The following ZBTB8A variants were observed in gnomAD, a reference collection of about 807,000 sequenced individuals.
ZBTB8A encodes zinc finger and BTB domain containing 8A.
In ZBTB8A, 19 loss-of-function variants were observed where a neutral mutation model predicts 37.8. The ratio of observed to expected loss-of-function variants is 0.50; its 90% confidence interval spans 0.35 to 0.74. ZBTB8A has a LOEUF of 0.74. ZBTB8A is among the 30% of genes least tolerant of loss of function. ZBTB8A has a pLI of 0.01. For synonymous variants in ZBTB8A, 181 were observed against 185.2 expected (o/e 0.98, Z 0.19); for missense variants, 394 against 537.8 (o/e 0.73, Z 2.65).
chr1:32,547,626 CAAA>C (rs745418265), intron 1 of ZBTB8A, among the ~76,000 whole-genome samples: 2 of 98,922 alleles, frequency 2.0e-5, no homozygotes, highest in East Asian at 2.8e-4. Flanking sequence ...GTCTGTATCT[CAAA>C]AAAAAAAAAA....
intron 2 of ZBTB8A, among the ~76,000 whole-genome samples, chr1:32,558,277 A>C (rs1644218272): frequency 6.6e-6 from 1 of 152,086 alleles, no homozygotes. Flanking sequence ...AAATGCTACC[A>C]ATCATTTATC....
At chr1:32,562,077 C>G (rs933019683) in intron 2 of ZBTB8A, among the ~76,000 whole-genome samples, 18 of 150,872 alleles carry the variant, frequency 1.2e-4, no homozygotes, top group African/African-American at 4.4e-4. Context: ...AGCCTCCAAA[C>G]TATAGGAGGC....
At chr1:32,570,972 T>A (rs887923196) in intron 2 of ZBTB8A, among the ~76,000 whole-genome samples, 2 of 151,954 alleles carry the variant, frequency 1.3e-5, no homozygotes, top group African/African-American at 4.8e-5. Context: ...ACCTCCCAAG[T>A]TCAAGCAATT....
chr1:32,565,299 C>T (rs1644270017), intron 2 of ZBTB8A, among the ~76,000 whole-genome samples: 1 of 151,644 alleles, frequency 6.6e-6, no homozygotes, highest in Non-Finnish European at 1.5e-5. Context: ...GCACTCCAGG[C>T]TGGGCGACAG....
At position 32,573,070 on chromosome 1, in the gene ZBTB8A, C is replaced by CTT. The variant is rs765833626; in HGVS notation, c.-2+19547_-2+19548dup. 7.6e-4 allele frequency among the ~76,000 whole-genome samples: 88 copies of CTT among 115,728 alleles called. 1 individual carries two copies. The highest frequency in any genetic ancestry group is 1.3e-3 in the African/African-American group (38 of 30,238). The allele number at this position is 115,728 out of a possible 152,430, so 75.9% of individuals were successfully genotyped here. A position where few individuals can be genotyped will look rare whatever the true frequency, so the allele number is the denominator to read the frequency against. On this transcript the variant is annotated intron_variant, in intron 2 of 4. Coordinates refer to ENST00000373510, the MANE Select transcript of ZBTB8A (RefSeq NM_001040441.3). Reference sequence around the variant, plus strand: ...CTCCTTTTCTCTAGTTCTCTAGATTCTTTTTTTTTTTTTTTTTTGAGACTG... The same window carrying CTT: ...CTCCTTTTCTCTAGTTCTCTAGATTCTTTTTTTTTTTTTTTTTTTTGAGACTG...
intron 1 of ZBTB8A, among the ~76,000 whole-genome samples, chr1:32,543,802 G>A (rs1644078721): frequency 6.6e-6 from 1 of 151,552 alleles, no homozygotes; most frequent in African/African-American, 2.4e-5. Context: ...TCAGCCTCCC[G>A]AGTAGCTGGG....
intron 2 of ZBTB8A, among the ~76,000 whole-genome samples, chr1:32,560,935 C>T (rs918742466): frequency 6.6e-6 from 1 of 151,954 alleles, no homozygotes; most frequent in Admixed American, 6.6e-5. Context: ...CCAACCTCTT[C>T]CATTTCTACC....
At chr1:32,569,094 C>T (rs903528958) in intron 2 of ZBTB8A, among the ~76,000 whole-genome samples, 23 of 152,144 alleles carry the variant, frequency 1.5e-4, no homozygotes, top group African/African-American at 5.6e-4. Flanking sequence ...CATGAGAGAA[C>T]CAACTTCTCC....
At chr1:32,597,613 G>T (rs1021771410) in intron 4 of ZBTB8A, among the ~76,000 whole-genome samples, 14 of 152,172 alleles carry the variant, frequency 9.2e-5, no homozygotes, top group Non-Finnish European at 1.8e-4. Flanking sequence ...GGCAGTCATT[G>T]TTACGGAGGT....
At chr1:32,566,201 C>CA (rs35071920) in intron 2 of ZBTB8A, among the ~76,000 whole-genome samples, 10,752 of 70,446 alleles carry the variant, frequency 0.15, 525 homozygotes, top group Middle Eastern at 0.19. Context: ...GACTCCATCT[C>CA]AAAAAAAAAA....
chr1:32,571,645 G>A (rs1286187954), intron 2 of ZBTB8A, among the ~76,000 whole-genome samples: 1 of 151,924 alleles, frequency 6.6e-6, no homozygotes, highest in Non-Finnish European at 1.5e-5. Flanking sequence ...TGCGATCTTG[G>A]CTCACTGCAA....
intron 1 of ZBTB8A, among the ~76,000 whole-genome samples, chr1:32,552,515 T>A (rs4970531): frequency 0.12 from 18,126 of 151,582 alleles, 1,241 homozygotes; most frequent in African/African-American, 0.2. Context: ...AATACAAAAA[T>A]ATTAGCCAGG....
intron 2 of ZBTB8A, among the ~76,000 whole-genome samples, chr1:32,584,482 A>G (rs542117675): frequency 6.7e-6 from 1 of 150,064 alleles, no homozygotes; most frequent in African/African-American, 2.5e-5. Context: ...ACTAAACGTC[A>G]TCATTCTTTT....
rs77017602 is a variant in ZBTB8A at position 32,563,853 on chromosome 1, A to G, written c.-2+10313A>G. 5.1e-3 allele frequency among the ~76,000 whole-genome samples: 770 copies of G among 152,248 alleles called. 11 individuals are homozygous for G. The highest frequency in any genetic ancestry group is 0.043 in the East Asian group (223 of 5,182). On this transcript the variant is annotated intron_variant, in intron 2 of 4. Coordinates refer to ENST00000373510, the MANE Select transcript of ZBTB8A (RefSeq NM_001040441.3). ...ACTCTCAAGCCAGAGGGGTTGAGGA[A>G]GCCCCATCATAGAACCTAGTCATCT...
chr1:32,549,983 A>G (rs1363109568), intron 1 of ZBTB8A, among the ~76,000 whole-genome samples: 1 of 152,176 alleles, frequency 6.6e-6, no homozygotes, highest in East Asian at 1.9e-4. Flanking sequence ...CATCTCATTG[A>G]TAGGCCACAT....
chr1:32,593,070 G>A lies in ZBTB8A; in HGVS notation c.139G>A (p.Gly47Ser), dbSNP rs779847714. The stretch of plus-strand genomic sequence containing the variant: ...TCGAAATGTATTATTCGCTAGTAGC[G>A]GCTACTTTAAAATGCTTCTTTCTCA... ...AHRNVLFASSGYFKMLLSQNS... is the reference protein window; with the variant it reads ...AHRNVLFASSSYFKMLLSQNS... Residue 47 changes from glycine (G) to serine (S), a missense_variant, in exon 3 of 5, where the codon GGC becomes AGC. Gly to Ser is a moderately conservative substitution (Grantham distance 56). Around this residue, in one of 4 missense-constraint regions of ZBTB8A, gnomAD observed 96 missense variants for 165.6 expected, o/e 0.58. Coordinates refer to ENST00000373510, the MANE Select transcript of ZBTB8A (RefSeq NM_001040441.3). The A allele has an allele frequency of 3.7e-6, 6 of 1,613,972 alleles. No individual in the cohort carries two copies. Among genetic ancestry groups the A allele is most frequent in the East Asian group, 4.5e-5 (2 of 44,880 alleles).
At chr1:32,597,447 T>A (rs1644542206) in intron 4 of ZBTB8A, among the ~76,000 whole-genome samples, 1 of 152,206 alleles carries the variant, frequency 6.6e-6, no homozygotes, top group South Asian at 2.1e-4. Flanking sequence ...TCTTGTCTCC[T>A]TTTGTCACAA....
At chr1:32,579,984 C>A (rs191252658) in intron 2 of ZBTB8A, among the ~76,000 whole-genome samples, 3 of 152,172 alleles carry the variant, frequency 2.0e-5, no homozygotes, top group Admixed American at 2.0e-4. Context: ...TTGTCTAATT[C>A]ATTGGCTAGT....
intron 2 of ZBTB8A, among the ~76,000 whole-genome samples, chr1:32,556,970 T>C (rs151124864): frequency 6.6e-6 from 1 of 152,160 alleles, no homozygotes; most frequent in African/African-American, 2.4e-5. Context: ...AGTAGAGTGT[T>C]TTCTTATTTT....
Sources: gnomAD v4.1 joint callset for allele counts (sites outside exome capture counted in the v4.1 genomes callset) on GRCh38, gnomAD v4.1.1 for gene constraint, gnomAD v4.1.1 regional missense constraint, MANE v1.5 for transcripts, NCBI Gene and HGNC (gene_info 2026-07-23, HGNC 2026-07-21) for gene names.